Variants in VSTM2A observed in about 807,000 individuals in gnomAD.
VSTM2A encodes the protein V-set and transmembrane domain-containing protein 2A.
VSTM2A carries 13 observed loss-of-function variants against 27.3 expected under a neutral mutation model. That is an observed-to-expected ratio of 0.48 (90% CI 0.31 to 0.76). VSTM2A has a LOEUF of 0.76. Ranked by LOEUF, VSTM2A falls within the 30% of genes least tolerant of loss-of-function variation. The pLI is 0.05. For missense variants in VSTM2A, 280 were observed against 310.0 expected, an observed-to-expected ratio of 0.90 and a Z score of 0.73; for synonymous variants, 142 against 125.7, an observed-to-expected ratio of 1.13 and a Z score of -0.87.
chr7:54,559,745 C>T (rs1272168598), intron 4 of VSTM2A: 1 of 152,042 alleles, frequency 6.6e-6, no homozygotes, highest in East Asian at 1.9e-4. Context: ...AGGAAAGTTA[C>T]CTAGTGAATG....
In VSTM2A at chr7:54,569,344, A is replaced by T. The variant is rs1000678496; in HGVS notation, c.*125A>T. 66 of 1,456,628 alleles carry T rather than the reference A, an allele frequency of 4.5e-5. No individual in the cohort carries two copies. Among genetic ancestry groups the T allele is most frequent in the Non-Finnish European group, 5.6e-5 (61 of 1,093,952 alleles). 90.2% of individuals were successfully genotyped at this position (1,456,628 alleles called of 1,614,324 possible). A position where few individuals can be genotyped will look rare whatever the true frequency, so the allele number is the denominator to read the frequency against. On this transcript the variant is annotated 3_prime_UTR_variant, in exon 5 of 5. Coordinates refer to ENST00000402613, the MANE Select transcript of VSTM2A (RefSeq NM_001301009.2). ...TTTAAGAGAATTAACGTGAAGTGAT[A>T]GAACGTTTTCTAATAGCAAGATCTA...
chr7:54,556,320 C>A (rs893701075), intron 4 of VSTM2A, among the ~76,000 whole-genome samples: 1 of 152,122 alleles, frequency 6.6e-6, no homozygotes, highest in African/African-American at 2.4e-5. Context: ...GTGTGTTCAC[C>A]ATGATGTGAA....
intron 2 of VSTM2A, 35 bp from the exon 3 acceptor site, chr7:54,546,912 T>G (rs763327381): frequency 8.1e-6 from 13 of 1,596,254 alleles, no homozygotes; most frequent in Non-Finnish European, 1.1e-5. Flanking sequence ...CGGGCGGGCC[T>G]GGCGCGGGAC....
intron 4 of VSTM2A, among the ~76,000 whole-genome samples, chr7:54,562,629 T>G (rs1788597618): frequency 6.6e-6 from 1 of 152,224 alleles, no homozygotes; most frequent in Non-Finnish European, 1.5e-5. Flanking sequence ...TCTGTTGGCT[T>G]CCTAATTCAG....
rs1360881882 is a variant in VSTM2A, at chr7:54,569,158, C to T, written c.662C>T (p.Thr221Met). The change falls in exon 5 of 5, where the codon ACG (threonine) becomes ATG (methionine). Residue 221 changes from threonine to methionine, a missense_variant. Physicochemically the swap from Thr to Met is moderately conservative, Grantham distance 81. Coordinates refer to ENST00000402613, the MANE Select transcript of VSTM2A (RefSeq NM_001301009.2). ...AAGAGCAAATCGCCTGTAAAATCTA[C>T]GGAGCGGACAGCAAAGTTGACCCTA... ...SAKSKSPVKS[T>M]ERTAKLTLNS... The T allele has an allele frequency of 1.3e-6, 2 of 1,553,790 alleles. No homozygotes were observed. Among genetic ancestry groups the T allele is most frequent in the Admixed American group, 2.0e-5 (1 of 51,134 alleles).
chr7:54,544,505 G>GT, intron 1 of VSTM2A, 117 bp from the exon 2 acceptor site: 1 of 1,283,486 alleles, frequency 7.8e-7, no homozygotes, highest in East Asian at 2.4e-5. Context: ...AGCCGAGGAT[G>GT]TAAGAGAGGG....
At position 54,569,676 on chromosome 7, in the gene VSTM2A, T is replaced by C. The variant is rs1157134603; in HGVS notation, c.*457T>C. The C allele has an allele frequency of 6.3e-6, 1 of 158,408 alleles. No individual in the cohort carries two copies. Among genetic ancestry groups the C allele is most frequent in the Non-Finnish European group, 1.4e-5 (1 of 71,814 alleles). 9.8% of individuals were successfully genotyped at this position (158,408 alleles called of 1,614,324 possible). ...CCCTTTTTTTCTTGGATTTTTCTTC[T>C]TTTTCTTGATTACAGTTCTTGTTCA... On this transcript the variant is annotated 3_prime_UTR_variant, in exon 5 of 5. Transcript: ENST00000402613.
intron 4 of VSTM2A, among the ~76,000 whole-genome samples, chr7:54,564,573 A>T (rs1033758110): frequency 6.6e-6 from 1 of 152,140 alleles, no homozygotes. Flanking sequence ...AGTTTTCTCC[A>T]CTCAGCGCCT....
intron 3 of VSTM2A, among the ~76,000 whole-genome samples, chr7:54,548,523 C>T (rs1015774790): frequency 6.6e-6 from 1 of 151,634 alleles, no homozygotes; most frequent in Non-Finnish European, 1.5e-5. Flanking sequence ...TTAATAGCAC[C>T]CCAGGTGATT....
chr7:54,555,082 GA>G (rs1303117237), intron 4 of VSTM2A, among the ~76,000 whole-genome samples: 2 of 152,164 alleles, frequency 1.3e-5, no homozygotes, highest in African/African-American at 4.8e-5. Context: ...AGGAAGCCTT[GA>G]AAATGTTCTC....
chr7:54,544,422 A>G (rs564404564), intron 1 of VSTM2A, among the ~76,000 whole-genome samples, 200 bp from the exon 2 acceptor site: 3 of 152,320 alleles, frequency 2.0e-5, no homozygotes, highest in Admixed American at 1.3e-4. Flanking sequence ...GATCAACAAC[A>G]TAGTGATTTA....
intron 1 of VSTM2A, among the ~76,000 whole-genome samples, chr7:54,543,774 A>T (rs1787858326): frequency 6.6e-6 from 1 of 152,170 alleles, no homozygotes; most frequent in Admixed American, 6.5e-5. Context: ...CCCTTAGATA[A>T]GATAAGAACA....
At chr7:54,544,312 G>C (rs981946231) in intron 1 of VSTM2A, among the ~76,000 whole-genome samples, 2 of 152,208 alleles carry the variant, frequency 1.3e-5, no homozygotes, top group African/African-American at 4.8e-5. Context: ...AGTAAATGTT[G>C]TGGAATACTG....
chr7:54,552,721 G>A (rs1274797070), intron 4 of VSTM2A, among the ~76,000 whole-genome samples: 1 of 152,138 alleles, frequency 6.6e-6, no homozygotes, highest in Non-Finnish European at 1.5e-5. Context: ...TCTATGAAAG[G>A]CAAGATGTGG....
intron 4 of VSTM2A, chr7:54,553,994 G>A (rs1373976653): frequency 6.4e-7 from 1 of 1,553,160 alleles, no homozygotes; most frequent in Middle Eastern, 1.7e-4. Flanking sequence ...ACAGAACTGT[G>A]AAGCGGCTTC....
chr7:54,553,586 G>A (rs1432051642), intron 4 of VSTM2A, among the ~76,000 whole-genome samples: 1 of 152,224 alleles, frequency 6.6e-6, no homozygotes, highest in Non-Finnish European at 1.5e-5. Flanking sequence ...CTGAGAAGGT[G>A]AATTCCTGCT....
rs532486272 is a variant in VSTM2A, at chr7:54,563,017, T to C, written c.635-6114T>C. ...TAGTGCTAATTATAAAGCATTCTTA[T>C]TTATGCATTAAAGCAGTTATTAAAT... On this transcript the variant is annotated intron_variant, in intron 4 of 4. Transcript: ENST00000402613. Among the ~76,000 whole-genome samples, 25 of 152,336 alleles carry C rather than the reference T, an allele frequency of 1.6e-4. No individual in the cohort carries two copies. The East Asian group carries it at 4.4e-3, about 27-fold the overall frequency.
At chr7:54,552,851 CA>C (rs1056849450) in intron 4 of VSTM2A, among the ~76,000 whole-genome samples, 1 of 152,200 alleles carries the variant, frequency 6.6e-6, no homozygotes, top group Non-Finnish European at 1.5e-5. Flanking sequence ...GGGACACTGT[CA>C]TCTCTGTCAC....
At chr7:54,558,278 A>G (rs1274520979) in intron 4 of VSTM2A, 1 of 152,204 alleles carries the variant, frequency 6.6e-6, no homozygotes, top group East Asian at 1.9e-4. Flanking sequence ...AGCCTTAAAA[A>G]GAGACAAAAA....
Sources: gnomAD v4.1 joint callset for allele counts (sites outside exome capture counted in the v4.1 genomes callset) on GRCh38, gnomAD v4.1.1 for gene constraint, MANE v1.5 for transcripts, NCBI Gene and HGNC (gene_info 2026-07-23, HGNC 2026-07-21) for gene names.